The following SLC25A24 variants were observed in gnomAD, a reference collection of about 807,000 sequenced individuals.
SLC25A24 encodes solute carrier family 25 member 24, also known as mitochondrial adenyl nucleotide antiporter SLC25A24.
In SLC25A24, 49 loss-of-function variants were observed where a neutral mutation model predicts 60.7. The ratio of observed to expected loss-of-function variants is 0.81; its 90% confidence interval spans 0.64 to 1.02. The LOEUF is 1.02. Among genes scored for constraint, SLC25A24 ranks in the 50% least tolerant of loss-of-function variants. SLC25A24 has a pLI of 0.00. For missense variants in SLC25A24, 564 were observed against 586.3 expected, an observed-to-expected ratio of 0.96 and a Z score of 0.39; for synonymous variants, 202 against 200.6, an observed-to-expected ratio of 1.01 and a Z score of -0.06.
intron 3 of SLC25A24, among the ~76,000 whole-genome samples, chr1:108,163,575 C>T (rs1379985165): frequency 2.0e-5 from 3 of 152,118 alleles, no homozygotes; most frequent in Non-Finnish European, 4.4e-5. Flanking sequence ...CGGGAGTTCA[C>T]TCATGATTTG....
At chr1:108,158,183 T>C (rs1179920046) in intron 4 of SLC25A24, among the ~76,000 whole-genome samples, 2 of 152,212 alleles carry the variant, frequency 1.3e-5, no homozygotes, top group South Asian at 2.1e-4. Flanking sequence ...TGACTTATCA[T>C]TTAAAACATG....
intron 1 of SLC25A24, among the ~76,000 whole-genome samples, chr1:108,188,571 A>G (rs1351733778): frequency 6.6e-6 from 1 of 152,210 alleles, no homozygotes; most frequent in African/African-American, 2.4e-5. Context: ...GCCAATGGAA[A>G]TATCAGCGAA....
chr1:108,168,811 G>A (rs1449635957), intron 3 of SLC25A24, among the ~76,000 whole-genome samples: 1 of 152,166 alleles, frequency 6.6e-6, no homozygotes, highest in African/African-American at 2.4e-5. Context: ...AAGTACAGAT[G>A]CTCTTGATTT....
At chr1:108,196,260 G>A (rs997417627) in intron 1 of SLC25A24, among the ~76,000 whole-genome samples, 3 of 152,096 alleles carry the variant, frequency 2.0e-5, no homozygotes, top group Non-Finnish European at 2.9e-5. Flanking sequence ...CTCTAACATT[G>A]GGTGATCATT....
At chr1:108,181,079 C>T (rs1430645022) in intron 3 of SLC25A24, among the ~76,000 whole-genome samples, 1 of 152,184 alleles carries the variant, frequency 6.6e-6, no homozygotes, top group East Asian at 1.9e-4. Context: ...CCCTTCTCAT[C>T]TAGTACTAAC....
chr1:108,166,585 T>C (rs1439401302), intron 3 of SLC25A24, among the ~76,000 whole-genome samples: 1 of 152,242 alleles, frequency 6.6e-6, no homozygotes, highest in Non-Finnish European at 1.5e-5. Flanking sequence ...GTTGATCGCA[T>C]CAGCTCCTGA....
At position 108,146,134 on chromosome 1, in the gene SLC25A24, C is replaced by A. The variant is rs912423878; in HGVS notation, c.930+2145G>T. 7.2e-5 allele frequency among the ~76,000 whole-genome samples: 11 copies of A among 152,238 alleles called. No individual in the cohort carries two copies. The East Asian group carries it at 2.1e-3, about 29-fold the overall frequency. ...CTCCTTGAACAGGTCCTTCACATCC[C>A]TTGTAAGTTGTATTCCGAGGTATTT... On this transcript the variant is annotated intron_variant, in intron 7 of 9. Transcript: ENST00000565488.
At chr1:108,165,315 G>A (rs1176085064) in intron 3 of SLC25A24, among the ~76,000 whole-genome samples, 1 of 152,146 alleles carries the variant, frequency 6.6e-6, no homozygotes, top group Non-Finnish European at 1.5e-5. Context: ...AGGTCTGCTT[G>A]GTGCAGAGCT....
At position 108,134,159 on chromosome 1, in the gene SLC25A24, T is replaced by C. The variant is rs558026579; in HGVS notation, c.*2494A>G. Reference sequence around the variant, plus strand: ...AGAACAGAGGAGCAGATGCTGGCAATTGCACACAGAGCTGCCTTGTGCAGC... The same window carrying C: ...AGAACAGAGGAGCAGATGCTGGCAACTGCACACAGAGCTGCCTTGTGCAGC... On this transcript the variant is annotated 3_prime_UTR_variant, in exon 10 of 10. Coordinates refer to ENST00000565488, the MANE Select transcript of SLC25A24 (RefSeq NM_013386.5). 9 of 152,314 alleles carry C rather than the reference T, an allele frequency of 5.9e-5. No individual in the cohort carries two copies. The highest frequency in any genetic ancestry group is 2.2e-4 in the African/African-American group (9 of 41,572). 9.4% of individuals were successfully genotyped at this position (152,314 alleles called of 1,614,324 possible). A position where few individuals can be genotyped will look rare whatever the true frequency, so the allele number is the denominator to read the frequency against.
chr1:108,167,535 G>C (rs1444313889), intron 3 of SLC25A24, among the ~76,000 whole-genome samples: 15 of 151,134 alleles, frequency 9.9e-5, no homozygotes, highest in African/African-American at 3.2e-4. Flanking sequence ...CAGTATTCAG[G>C]TGGGAGTGAC....
chr1:108,199,567 CT>C, intron 1 of SLC25A24: 1 of 344,034 alleles, frequency 2.9e-6, no homozygotes, highest in Non-Finnish European at 5.2e-6. Flanking sequence ...ATGTGTGCGC[CT>C]TTATACAAAA....
intron 3 of SLC25A24, among the ~76,000 whole-genome samples, chr1:108,180,616 A>ATCTCTC (rs3043349): frequency 4.0e-3 from 246 of 61,724 alleles, no homozygotes; most frequent in African/African-American, 9.5e-3. Context: ...CAAGAGAAAG[A>ATCTCTC]TCTCTCTCTC....
At chr1:108,153,387 A>C (rs1203729973) in intron 6 of SLC25A24, among the ~76,000 whole-genome samples, 1 of 152,222 alleles carries the variant, frequency 6.6e-6, no homozygotes, top group Non-Finnish European at 1.5e-5. Context: ...GAAATTTGAG[A>C]ATATATACAG....
chr1:108,194,587 G>C (rs74112062), intron 1 of SLC25A24, among the ~76,000 whole-genome samples: 1 of 93,860 alleles, frequency 1.1e-5, no homozygotes, highest in Non-Finnish European at 2.5e-5. Context: ...ATAAAAGGCA[G>C]GTAGTTTTGT....
intron 8 of SLC25A24, among the ~76,000 whole-genome samples, chr1:108,142,645 G>A (rs150172746): frequency 0.014 from 2,151 of 152,266 alleles, 32 homozygotes; most frequent in Middle Eastern, 0.037. Flanking sequence ...TTGCTTAAAG[G>A]TTAAGGTGTT....
chr1:108,198,905 G>A (rs1260366022), intron 1 of SLC25A24: 1 of 152,194 alleles, frequency 6.6e-6, no homozygotes, highest in African/African-American at 2.4e-5. Flanking sequence ...GGGACAATCA[G>A]CACAAAGTAC....
intron 7 of SLC25A24, 57 bp downstream of exon 7, chr1:108,148,222 G>T: frequency 1.0e-6 from 1 of 997,920 alleles, no homozygotes; most frequent in Non-Finnish European, 1.6e-6. Context: ...TTGTTAGAGA[G>T]CAATAGACAA....
chr1:108,134,173 G>A lies in SLC25A24; in HGVS notation c.*2480C>T, dbSNP rs969004904. The stretch of plus-strand genomic sequence containing the variant: ...GATGCTGGCAATTGCACACAGAGCT[G>A]CCTTGTGCAGCTGTGGACAGGGACA... On this transcript the variant is annotated 3_prime_UTR_variant, in exon 10 of 10. Transcript: ENST00000565488. The A allele has an allele frequency of 6.6e-6, 1 of 152,250 alleles. No homozygotes were observed. Among genetic ancestry groups the A allele is most frequent in the Non-Finnish European group, 1.5e-5 (1 of 68,056 alleles). 9.4% of individuals were successfully genotyped at this position (152,250 alleles called of 1,614,324 possible). A position where few individuals can be genotyped will look rare whatever the true frequency, so the allele number is the denominator to read the frequency against.
intron 9 of SLC25A24, among the ~76,000 whole-genome samples, chr1:108,138,684 G>C (rs1251402704): frequency 6.6e-6 from 1 of 152,040 alleles, no homozygotes; most frequent in Non-Finnish European, 1.5e-5. Flanking sequence ...TTACAACACT[G>C]TACAATTTTC....
Sources: gnomAD v4.1 joint callset for allele counts (sites outside exome capture counted in the v4.1 genomes callset) on GRCh38, gnomAD v4.1.1 for gene constraint, MANE v1.5 for transcripts, NCBI Gene and HGNC (gene_info 2026-07-23, HGNC 2026-07-21) for gene names.